Variants in PPARGC1A observed in about 807,000 individuals in gnomAD.
PPARGC1A encodes peroxisome proliferator-activated receptor gamma coactivator 1-alpha.
PPARGC1A carries 25 observed loss-of-function variants against 88.7 expected under a neutral mutation model. The observed-to-expected ratio is 0.28, with a 90% confidence interval of 0.21 to 0.39. PPARGC1A has a LOEUF of 0.39. Among genes scored for constraint, PPARGC1A ranks in the 10% least tolerant of loss-of-function variants. PPARGC1A has a pLI of 1.00. For synonymous variants in PPARGC1A, 363 were observed against 355.6 expected, an observed-to-expected ratio of 1.02 and a Z score of -0.24; for missense variants, 880 against 968.7, an observed-to-expected ratio of 0.91 and a Z score of 1.22.
At chr4:24,186,182 G>T in the PPARGC1A span, among the ~76,000 whole-genome samples, 1 of 152,030 alleles carries the variant, frequency 6.6e-6, no homozygotes, top group East Asian at 1.9e-4. Flanking sequence ...AAAGAAGAGG[G>T]CAGGAGAGAC....
At chr4:23,800,319 G>A (rs538089163) in intron 12 of PPARGC1A, among the ~76,000 whole-genome samples, 1 of 151,864 alleles carries the variant, frequency 6.6e-6, no homozygotes, top group Non-Finnish European at 1.5e-5. Flanking sequence ...AGAATTTAAA[G>A]GCTTACTATG....
the PPARGC1A span, among the ~76,000 whole-genome samples, chr4:24,140,200 C>T: frequency 1.3e-5 from 2 of 152,084 alleles, no homozygotes; most frequent in Middle Eastern, 3.2e-3. Flanking sequence ...AGCACCACAG[C>T]CAAGGGTAAA....
chr4:24,351,842 T>C, the PPARGC1A span, among the ~76,000 whole-genome samples: 1 of 152,000 alleles, frequency 6.6e-6, no homozygotes, highest in South Asian at 2.1e-4. Flanking sequence ...TTTAATATGG[T>C]CTTTTCAAAA....
At chr4:23,971,833 C>A in the PPARGC1A span, among the ~76,000 whole-genome samples, 1 of 152,150 alleles carries the variant, frequency 6.6e-6, no homozygotes, top group African/African-American at 2.4e-5. Context: ...TCACACCACC[C>A]AAAATAAAGA....
At chr4:24,100,023 A>C in the PPARGC1A span, among the ~76,000 whole-genome samples, 1 of 151,470 alleles carries the variant, frequency 6.6e-6, no homozygotes, top group Admixed American at 6.6e-5. Flanking sequence ...CCTAATGTAA[A>C]TGATGAGTTA....
chr4:23,910,121 A>G, the PPARGC1A span, among the ~76,000 whole-genome samples: 5 of 131,756 alleles, frequency 3.8e-5, no homozygotes, highest in African/African-American at 1.4e-4. Context: ...ATGTGTGTGT[A>G]TATATATAAA....
the PPARGC1A span, among the ~76,000 whole-genome samples, chr4:23,977,134 G>T: frequency 6.6e-6 from 1 of 151,782 alleles, no homozygotes; most frequent in Admixed American, 6.6e-5. Context: ...GGAGAGGAAT[G>T]CTCCTTGGTA....
At chr4:24,188,136 A>G in the PPARGC1A span, among the ~76,000 whole-genome samples, 1 of 152,230 alleles carries the variant, frequency 6.6e-6, no homozygotes, top group Admixed American at 6.5e-5. Context: ...CAAAGTCATT[A>G]AAATTCCAGG....
chr4:24,177,416 T>C, the PPARGC1A span, among the ~76,000 whole-genome samples: 5 of 138,210 alleles, frequency 3.6e-5, no homozygotes, highest in Non-Finnish European at 7.6e-5. Context: ...AATTGAGCAA[T>C]GAGAACACAC....
chr4:24,392,787 C>T, the PPARGC1A span, among the ~76,000 whole-genome samples: 1 of 152,114 alleles, frequency 6.6e-6, no homozygotes, highest in Non-Finnish European at 1.5e-5. Flanking sequence ...CACACTTTCC[C>T]GTTGCCTCAG....
chr4:24,332,410 T>A, the PPARGC1A span, among the ~76,000 whole-genome samples: 1 of 152,148 alleles, frequency 6.6e-6, no homozygotes, highest in Non-Finnish European at 1.5e-5. Context: ...GAATATTAAA[T>A]CCAATGGAGG....
At chr4:24,157,136 G>A in the PPARGC1A span, among the ~76,000 whole-genome samples, 1 of 152,096 alleles carries the variant, frequency 6.6e-6, no homozygotes, top group East Asian at 1.9e-4. Flanking sequence ...GCATAAACTT[G>A]GCCAAGTCAT....
At chr4:24,108,377 T>C in the PPARGC1A span, among the ~76,000 whole-genome samples, 3,926 of 152,254 alleles carry the variant, frequency 0.026, 156 homozygotes, top group African/African-American at 0.089. Context: ...ATTTTATTAA[T>C]TTTAAAACCA....
At chr4:24,309,290 AAAG>A in the PPARGC1A span, among the ~76,000 whole-genome samples, 1 of 152,166 alleles carries the variant, frequency 6.6e-6, no homozygotes, top group Non-Finnish European at 1.5e-5. Context: ...TTAATTTTAA[AAAG>A]GAGGAGGAGA....
At chr4:24,398,187 AG>A in the PPARGC1A span, among the ~76,000 whole-genome samples, 3 of 152,228 alleles carry the variant, frequency 2.0e-5, no homozygotes, top group African/African-American at 4.8e-5. Context: ...ATTATTATAT[AG>A]AAAAAAAGAT....
At chr4:24,414,264 A>G in the PPARGC1A span, among the ~76,000 whole-genome samples, 1 of 152,204 alleles carries the variant, frequency 6.6e-6, no homozygotes, top group Non-Finnish European at 1.5e-5. Context: ...AATTTTGCCC[A>G]AAAGCCTGGG....
At chr4:23,913,092 A>G in the PPARGC1A span, among the ~76,000 whole-genome samples, 4 of 149,694 alleles carry the variant, frequency 2.7e-5, no homozygotes, top group African/African-American at 9.8e-5. Context: ...GGCGTGAGCC[A>G]CCGCACCTGG....
chr4:24,004,298 A>T, the PPARGC1A span, among the ~76,000 whole-genome samples: 1 of 152,164 alleles, frequency 6.6e-6, no homozygotes, highest in African/African-American at 2.4e-5. Context: ...AAGTCCAAAC[A>T]TCCTCCTGTT....
At chr4:24,273,118 G>A in the PPARGC1A span, among the ~76,000 whole-genome samples, 6 of 152,150 alleles carry the variant, frequency 3.9e-5, no homozygotes, top group Admixed American at 6.5e-5. Flanking sequence ...ATCGTTTAAA[G>A]CAAATGTTCC....
Sources: allele counts gnomAD v4.1 joint callset (sites outside exome capture counted in the v4.1 genomes callset), GRCh38; gene constraint gnomAD v4.1.1; transcripts MANE v1.5; gene names NCBI Gene and HGNC (gene_info 2026-07-23, HGNC 2026-07-21).